The following FBXL17 variants were observed in gnomAD, a reference collection of about 807,000 sequenced individuals.
FBXL17 encodes F-box/LRR-repeat protein 17.
In FBXL17, 22 loss-of-function variants were observed where a neutral mutation model predicts 66.2. The observed-to-expected ratio is 0.33, with a 90% confidence interval of 0.24 to 0.47. The LOEUF is 0.47. FBXL17 is among the 20% of genes least tolerant of loss of function. The pLI is 1.00. For synonymous variants in FBXL17, 474 were observed against 400.5 expected (o/e 1.18, Z -2.19); for missense variants, 878 against 948.2 (o/e 0.93, Z 0.97).
chr5:108,072,564 C>G (rs555543611), intron 6 of FBXL17, among the ~76,000 whole-genome samples: 1 of 152,056 alleles, frequency 6.6e-6, no homozygotes, highest in Non-Finnish European at 1.5e-5. Context: ...AAAAATTAGC[C>G]GGGCGTGGTG....
chr5:108,200,554 C>A (rs966403282), intron 5 of FBXL17, among the ~76,000 whole-genome samples: 1 of 152,008 alleles, frequency 6.6e-6, no homozygotes, highest in Non-Finnish European at 1.5e-5. Context: ...TTCTTAGACA[C>A]AGGAATATTG....
At chr5:107,960,417 C>G (rs1432311310) in intron 7 of FBXL17, among the ~76,000 whole-genome samples, 1 of 152,162 alleles carries the variant, frequency 6.6e-6, no homozygotes, top group Non-Finnish European at 1.5e-5. Flanking sequence ...TATTCCTTCT[C>G]TCTAACTGGA....
At chr5:107,964,926 G>A (rs1752061540) in intron 7 of FBXL17, among the ~76,000 whole-genome samples, 1 of 152,224 alleles carries the variant, frequency 6.6e-6, no homozygotes, top group South Asian at 2.1e-4. Context: ...AGTGAAAAGT[G>A]TCCTTCCTTA....
At chr5:108,078,562 G>A (rs917158458) in intron 6 of FBXL17, among the ~76,000 whole-genome samples, 3 of 152,142 alleles carry the variant, frequency 2.0e-5, no homozygotes, top group African/African-American at 7.2e-5. Flanking sequence ...TTCTCTAGCT[G>A]GGATCTCGGA....
chr5:108,195,188 T>C (rs1396070244), intron 5 of FBXL17, among the ~76,000 whole-genome samples: 1 of 151,786 alleles, frequency 6.6e-6, no homozygotes, highest in East Asian at 1.9e-4. Flanking sequence ...AATAAACAAA[T>C]ATGTTAAAAG....
At chr5:107,999,495 C>T (rs1190165169) in intron 7 of FBXL17, among the ~76,000 whole-genome samples, 1 of 148,870 alleles carries the variant, frequency 6.7e-6, no homozygotes, top group Non-Finnish European at 1.5e-5. Context: ...CACACACACA[C>T]ATACAAATTT....
chr5:108,267,880 C>G (rs917015077), intron 4 of FBXL17, among the ~76,000 whole-genome samples: 2 of 152,122 alleles, frequency 1.3e-5, no homozygotes, highest in Admixed American at 1.3e-4. Context: ...TTATGAAAAA[C>G]CAATGTTCAC....
At chr5:108,219,734 C>A (rs912542777) in intron 5 of FBXL17, among the ~76,000 whole-genome samples, 1 of 151,838 alleles carries the variant, frequency 6.6e-6, no homozygotes, top group Non-Finnish European at 1.5e-5. Context: ...CCTTGTTATC[C>A]TTTTAATGCC....
chr5:108,042,056 C>T (rs1028086084), intron 6 of FBXL17, among the ~76,000 whole-genome samples: 3 of 151,968 alleles, frequency 2.0e-5, no homozygotes, highest in Admixed American at 6.6e-5. Flanking sequence ...CCACCGTGCT[C>T]GGCTAATTTT....
intron 7 of FBXL17, among the ~76,000 whole-genome samples, chr5:108,013,503 G>T (rs1224422856): frequency 1.3e-5 from 2 of 152,062 alleles, no homozygotes; most frequent in Non-Finnish European, 2.9e-5. Context: ...GTTCTCCCAT[G>T]TCTCCTCTTC....
intron 7 of FBXL17, among the ~76,000 whole-genome samples, chr5:107,997,511 A>T (rs1753526694): frequency 6.6e-6 from 1 of 152,188 alleles, no homozygotes; most frequent in Non-Finnish European, 1.5e-5. Flanking sequence ...CTCGCTATTC[A>T]TTACCCAAGA....
intron 4 of FBXL17, among the ~76,000 whole-genome samples, chr5:108,233,938 CT>C (rs2150089777): frequency 6.6e-6 from 1 of 152,206 alleles, no homozygotes; most frequent in South Asian, 2.1e-4. Flanking sequence ...AATCAGAAAT[CT>C]TTTGAGGGTG....
intron 6 of FBXL17, among the ~76,000 whole-genome samples, chr5:108,063,439 C>T (rs1338590220): frequency 3.9e-5 from 6 of 152,144 alleles, no homozygotes; most frequent in South Asian, 2.1e-4. Flanking sequence ...AAGATCATAA[C>T]GATCCAGTAA....
intron 7 of FBXL17, among the ~76,000 whole-genome samples, chr5:107,989,900 T>G (rs929481513): frequency 1.3e-5 from 2 of 152,170 alleles, no homozygotes; most frequent in African/African-American, 4.8e-5. Context: ...TGATTGGAAC[T>G]GTTCCTGGAC....
chr5:108,186,614 C>T (rs937290586), intron 5 of FBXL17, among the ~76,000 whole-genome samples: 3 of 151,628 alleles, frequency 2.0e-5, no homozygotes, highest in Non-Finnish European at 4.4e-5. Context: ...TACTAAAATA[C>T]AAAAAATTAG....
rs35874392 is a variant in FBXL17 at position 107,942,777 on chromosome 5, GAAA to G, written c.1823-61601_1823-61599del. Among the ~76,000 whole-genome samples, 175 of 146,420 alleles carry G rather than the reference GAAA, an allele frequency of 1.2e-3. 1 individual carries two copies. The highest frequency in any genetic ancestry group is 3.6e-3 in the African/African-American group (145 of 40,090). On this transcript the variant is annotated intron_variant, in intron 7 of 8. Transcript: ENST00000542267. ...GCACAATTATCTCCCTTCTTGAAAA[GAAA>G]AAAAAAAAAAAACCTATCTGATTTC...
chr5:107,935,512 T>A (rs1257865133), intron 7 of FBXL17, among the ~76,000 whole-genome samples: 1 of 152,064 alleles, frequency 6.6e-6, no homozygotes, highest in Non-Finnish European at 1.5e-5. Context: ...AATGGAACGC[T>A]TTTCACAGTG....
chr5:108,379,121 C>A (rs1345703189), intron 1 of FBXL17, among the ~76,000 whole-genome samples: 1 of 152,094 alleles, frequency 6.6e-6, no homozygotes, highest in South Asian at 2.1e-4. Flanking sequence ...TTATTTTATT[C>A]TATTAGAGTT....
At chr5:108,104,969 G>A (rs528070050) in intron 6 of FBXL17, among the ~76,000 whole-genome samples, 1 of 152,242 alleles carries the variant, frequency 6.6e-6, no homozygotes, top group South Asian at 2.1e-4. Flanking sequence ...AGCCTCCTGA[G>A]TAGCTGGGAC....
Sources: allele counts gnomAD v4.1 joint callset (sites outside exome capture counted in the v4.1 genomes callset), GRCh38; gene constraint gnomAD v4.1.1; transcripts MANE v1.5; gene names NCBI Gene and HGNC (gene_info 2026-07-23, HGNC 2026-07-21).